DKK3: variants seen among roughly 807,000 people sequenced by gnomAD.
The protein encoded by DKK3 is dickkopf-related protein 3.
In DKK3, 22 loss-of-function variants were observed where a neutral mutation model predicts 33.2. That is an observed-to-expected ratio of 0.66 (90% CI 0.47 to 0.95). DKK3 has a LOEUF of 0.95. Among genes scored for constraint, DKK3 ranks in the 40% least tolerant of loss-of-function variants. The pLI is 0.00. For missense variants in DKK3, 398 were observed against 458.4 expected (o/e 0.87, Z 1.20); for synonymous variants, 194 against 188.8 (o/e 1.03, Z -0.23).
rs371921208 is a variant in DKK3 at position 11,966,980 on chromosome 11, G to T, written c.647C>A (p.Pro216Gln). 1 of 1,613,924 alleles carries T rather than the reference G, an allele frequency of 6.2e-7. No homozygotes were observed. Among genetic ancestry groups the T allele is most frequent in the Non-Finnish European group, 8.5e-7 (1 of 1,179,974 alleles). The part of the protein sequence containing the change: ...TICDNQRDCQ[P>Q]GLCCAFQRGL... ...TCTCTGGAAGGCACAGCACAGCCCCGGCTGGCAGTCCCTCTGGTTGTCACA... is the reference window on the plus strand; with the variant it reads ...TCTCTGGAAGGCACAGCACAGCCCCTGCTGGCAGTCCCTCTGGTTGTCACA... Residue 216 changes from proline to glutamine, a missense_variant, in exon 5 of 7, where the codon CCG (proline) becomes CAG (glutamine). Pro to Gln is a moderately conservative substitution (Grantham distance 76). Transcript: ENST00000683431.
chr11:11,994,798 C>A (rs1208932826), intron 3 of DKK3: 1 of 152,174 alleles, frequency 6.6e-6, no homozygotes, highest in African/African-American at 2.4e-5. Flanking sequence ...CTCGCTTGGT[C>A]TCTCTGGGCT....
At chr11:11,981,481 T>G (rs558578167) in intron 3 of DKK3, among the ~76,000 whole-genome samples, 1 of 152,322 alleles carries the variant, frequency 6.6e-6, no homozygotes, top group South Asian at 2.1e-4. Context: ...TGTTTTATAC[T>G]GCTAAGTTTG....
intron 3 of DKK3, among the ~76,000 whole-genome samples, chr11:11,988,018 T>C (rs1848107266): frequency 6.6e-6 from 1 of 152,152 alleles, no homozygotes; most frequent in Admixed American, 6.5e-5. Context: ...TAAAATACCC[T>C]CCTCGGGCAG....
chr11:11,973,178 C>T (rs1027291502), intron 3 of DKK3, among the ~76,000 whole-genome samples: 10 of 152,256 alleles, frequency 6.6e-5, no homozygotes, highest in African/African-American at 2.4e-4. Flanking sequence ...GGCACAATTT[C>T]TCTCTAGTCT....
chr11:12,000,113 A>T (rs2896594), intron 2 of DKK3, among the ~76,000 whole-genome samples: 31,685 of 152,232 alleles, frequency 0.21, 3,579 homozygotes, highest in Admixed American at 0.31. Flanking sequence ...GAAGAATATA[A>T]GTTTTCCAAA....
chr11:11,967,100 T>C lies in DKK3; in HGVS notation c.529-2A>G. 6.2e-7 allele frequency: 1 copy of C among 1,612,980 alleles called. No individual in the cohort carries two copies. Among genetic ancestry groups the C allele is most frequent in the Non-Finnish European group, 8.5e-7 (1 of 1,179,632 alleles). On this transcript the variant is annotated splice_acceptor_variant, in intron 4 of 6. Coordinates refer to ENST00000683431, the MANE Select transcript of DKK3 (RefSeq NM_001018057.2). LOFTEE classifies it high-confidence loss of function. ...GCACTCACTGTCCCGGGTGCAGAGC[T>C]GCAGACAGGTGGAAAGAGCCTAGAG...
chr11:11,978,713 G>T (rs1456881808), intron 3 of DKK3: 1 of 152,140 alleles, frequency 6.6e-6, no homozygotes, highest in Admixed American at 6.6e-5. Flanking sequence ...CCTCTGGATT[G>T]TGTATGATAA....
chr11:11,964,172 A>C lies in DKK3; in HGVS notation c.*292T>G. On this transcript the variant is annotated 3_prime_UTR_variant, in exon 7 of 7. Coordinates refer to ENST00000683431, the MANE Select transcript of DKK3 (RefSeq NM_001018057.2). ...ACAATTATCAAAGCCATGTAGAACA[A>C]ACGGCTGTCTGCCAACTGGTAGAGG... The C allele has an allele frequency of 2.4e-6, 1 of 420,050 alleles. No homozygotes were observed. Among genetic ancestry groups the C allele is most frequent in the East Asian group, 4.1e-5 (1 of 24,670 alleles). The allele number at this position is 420,050 out of a possible 1,614,324, so 26.0% of individuals were successfully genotyped here. A position where few individuals can be genotyped will look rare whatever the true frequency, so the allele number is the denominator to read the frequency against.
At chr11:11,995,169 G>A (rs952317733) in intron 3 of DKK3, among the ~76,000 whole-genome samples, 9 of 152,114 alleles carry the variant, frequency 5.9e-5, no homozygotes, top group Admixed American at 2.6e-4. Flanking sequence ...AGCCTCGACC[G>A]CCTGGGCTCA....
At chr11:12,001,320 G>A (rs1564924880) in intron 2 of DKK3, among the ~76,000 whole-genome samples, 1 of 152,198 alleles carries the variant, frequency 6.6e-6, no homozygotes, top group South Asian at 2.1e-4. Context: ...AGCCCATTAC[G>A]ATGCAGTGGG....
intron 3 of DKK3, chr11:11,998,355 T>C (rs1324842890): frequency 2.5e-6 from 1 of 397,902 alleles, no homozygotes; most frequent in Non-Finnish European, 4.6e-6. Flanking sequence ...TCCCAGAGGC[T>C]CTGGGGATTT....
chr11:11,985,636 C>CT (rs1268347563), intron 3 of DKK3, among the ~76,000 whole-genome samples: 1 of 152,224 alleles, frequency 6.6e-6, no homozygotes, highest in Admixed American at 6.5e-5. Flanking sequence ...AATCCCAACT[C>CT]TGCCACTGAC....
intron 1 of DKK3, among the ~76,000 whole-genome samples, chr11:12,007,357 C>A (rs903231175): frequency 1.3e-5 from 2 of 152,182 alleles, no homozygotes; most frequent in Admixed American, 1.3e-4. Context: ...GCTGGCTCCT[C>A]TCTATAGACA....
At chr11:12,002,214 C>T in intron 2 of DKK3, 86 bp downstream of exon 2, 1 of 1,427,824 alleles carries the variant, frequency 7.0e-7, no homozygotes, top group Non-Finnish European at 9.4e-7. Context: ...TTGTATATCA[C>T]ATATGAAAAA....
intron 3 of DKK3, among the ~76,000 whole-genome samples, chr11:11,995,877 C>T (rs1848282543): frequency 6.6e-6 from 1 of 152,238 alleles, no homozygotes; most frequent in South Asian, 2.1e-4. Flanking sequence ...TTTCCCCTTT[C>T]ACATTTGAGT....
chr11:11,968,550 C>T (rs1396269500), intron 3 of DKK3, 63 bp from the exon 4 acceptor site: 18 of 1,498,402 alleles, frequency 1.2e-5, no homozygotes, highest in Non-Finnish European at 1.5e-5. Flanking sequence ...CCACAGTGCC[C>T]AGGAAGGGCC....
chr11:11,967,108 G>C lies in DKK3; in HGVS notation c.529-10C>G. 5 of 1,612,550 alleles carry C rather than the reference G, an allele frequency of 3.1e-6. No homozygotes were observed. The highest frequency in any genetic ancestry group is 4.2e-6 in the Non-Finnish European group (5 of 1,179,442). On this transcript the variant is annotated splice_polypyrimidine_tract_variant and intron_variant, in intron 4 of 6. Coordinates refer to ENST00000683431, the MANE Select transcript of DKK3 (RefSeq NM_001018057.2). ...TGTCCCGGGTGCAGAGCTGCAGACA[G>C]GTGGAAAGAGCCTAGAGCCAGCGGC... is the stretch of plus-strand genomic sequence containing the variant.
chr11:11,978,881 A>C (rs568618961), intron 3 of DKK3: 1 of 152,246 alleles, frequency 6.6e-6, no homozygotes, highest in African/African-American at 2.4e-5. Context: ...TCTATTTTAC[A>C]GATGAGGAAA....
At chr11:12,007,229 C>A (rs1848555358) in intron 1 of DKK3, among the ~76,000 whole-genome samples, 2 of 152,168 alleles carry the variant, frequency 1.3e-5, no homozygotes, top group African/African-American at 2.4e-5. Flanking sequence ...GAGACAAGGG[C>A]CAGCAGTTAA....
Sources: gnomAD v4.1 joint callset for allele counts (sites outside exome capture counted in the v4.1 genomes callset) on GRCh38, gnomAD v4.1.1 for gene constraint, MANE v1.5 for transcripts, NCBI Gene and HGNC (gene_info 2026-07-23, HGNC 2026-07-21) for gene names.